Variants in USP3 observed in about 807,000 individuals in gnomAD.
USP3 encodes ubiquitin carboxyl-terminal hydrolase 3.
A neutral mutation model predicts 72.3 loss-of-function variants in USP3; 20 were observed. The observed-to-expected ratio is 0.28, with a 90% CI of 0.19 to 0.40. The LOEUF (loss-of-function observed/expected upper bound fraction) is 0.40, where lower values mean the gene tolerates loss of function less well. Among genes scored for constraint, USP3 ranks in the 10% least tolerant of loss-of-function variants. The pLI is 1.00. For missense variants in USP3, 479 were observed against 633.9 expected (o/e 0.76, Z 2.62); for synonymous variants, 222 against 225.3 (o/e 0.99, Z 0.13).
At chr15:63,516,052 T>C (rs1374644257) in intron 1 of USP3, among the ~76,000 whole-genome samples, 2 of 152,250 alleles carry the variant, frequency 1.3e-5, no homozygotes. Context: ...TTTCCCAATA[T>C]AATTAGATTA....
intron 8 of USP3, among the ~76,000 whole-genome samples, chr15:63,569,214 C>T (rs550698021): frequency 1.1e-4 from 16 of 152,218 alleles, no homozygotes; most frequent in Non-Finnish European, 1.5e-5. Context: ...TTTAAGGTAC[C>T]TCCTTAGATA....
intron 1 of USP3, among the ~76,000 whole-genome samples, chr15:63,521,143 C>CTTTTTTTTTTTTTTT (rs57191228): frequency 7.3e-6 from 1 of 137,458 alleles, no homozygotes. Flanking sequence ...TTCTTTTGGA[C>CTTTTTTTTTTTTTTT]TTTTTTTTTT....
At chr15:63,537,682 A>G (rs905491017) in intron 3 of USP3, among the ~76,000 whole-genome samples, 4 of 152,046 alleles carry the variant, frequency 2.6e-5, no homozygotes, top group Non-Finnish European at 5.9e-5. Context: ...GTAGCTTTCC[A>G]GGCTATTTTT....
Position 63,592,560 on chromosome 15 carries a change from C to T in USP3, c.*1734C>T, listed in dbSNP as rs1459411330. The T allele has an allele frequency of 6.6e-6, 1 of 151,550 alleles. No homozygotes were observed. The highest frequency in any genetic ancestry group is 2.4e-5 in the African/African-American group (1 of 41,194). 9.4% of individuals were successfully genotyped at this position (151,550 alleles called of 1,614,324 possible). A position where few individuals can be genotyped will look rare whatever the true frequency, so the allele number is the denominator to read the frequency against. On this transcript the variant is annotated 3_prime_UTR_variant, in exon 15 of 15. Coordinates refer to ENST00000380324, the MANE Select transcript of USP3 (RefSeq NM_006537.4). ...ACCTCCCAGGCTCAAGCGATCCTCC[C>T]ACTTCAGCCTCGAAGTAGCTGGCAC...
chr15:63,553,634 C>A lies in USP3; in HGVS notation c.285-81C>A. On this transcript the variant is annotated intron_variant, in intron 3 of 14. Transcript: ENST00000380324. The surrounding 1 kb of genome is among the most constrained non-coding windows in gnomAD (Gnocchi z 4.2). The stretch of plus-strand genomic sequence containing the variant: ...CTGCAGAGCCATGTGATCATCTTGG[C>A]AACAGCCAGACCTTTTAGTGATTTC... 7.5e-7 allele frequency: 1 copy of A among 1,328,792 alleles called. No homozygotes were observed. Among genetic ancestry groups the A allele is most frequent in the South Asian group, 1.5e-5 (1 of 66,898 alleles). 82.3% of individuals were successfully genotyped at this position (1,328,792 alleles called of 1,614,324 possible). A position where few individuals can be genotyped will look rare whatever the true frequency, so the allele number is the denominator to read the frequency against.
Position 63,592,920 on chromosome 15 carries a change from G to A in USP3, c.*2094G>A, listed in dbSNP as rs1200947385. The stretch of plus-strand genomic sequence containing the variant: ...ACACATCTGCTAAACACTTTAACAT[G>A]ACAAGGAGCAAATTACAATTATGTG... On this transcript the variant is annotated 3_prime_UTR_variant, in exon 15 of 15. Coordinates refer to ENST00000380324, the MANE Select transcript of USP3 (RefSeq NM_006537.4). 5.3e-5 allele frequency: 8 copies of A among 152,128 alleles called. No homozygotes were observed. The highest frequency in any genetic ancestry group is 1.9e-4 in the African/African-American group (8 of 41,404). 9.4% of individuals were successfully genotyped at this position (152,128 alleles called of 1,614,324 possible). A position where few individuals can be genotyped will look rare whatever the true frequency, so the allele number is the denominator to read the frequency against.
chr15:63,582,014 A>C (rs1342674778), intron 11 of USP3, among the ~76,000 whole-genome samples: 1 of 152,234 alleles, frequency 6.6e-6, no homozygotes, highest in Non-Finnish European at 1.5e-5. Context: ...TTCTTTATAC[A>C]TATGTTTATT....
intron 1 of USP3, among the ~76,000 whole-genome samples, chr15:63,522,616 T>C (rs1461339343): frequency 1.3e-5 from 2 of 152,230 alleles, no homozygotes; most frequent in Non-Finnish European, 2.9e-5. Flanking sequence ...AAAGATAAGC[T>C]GATAACCATA....
At chr15:63,583,424 C>T (rs545314348) in intron 11 of USP3, among the ~76,000 whole-genome samples, 76 of 152,244 alleles carry the variant, frequency 5.0e-4, no homozygotes, top group African/African-American at 1.3e-3. Flanking sequence ...TTTTATACTC[C>T]AGCCTGCATG....
intron 1 of USP3, 97 bp downstream of exon 1, chr15:63,504,927 G>A (rs1413501332): frequency 2.0e-5 from 20 of 997,430 alleles, no homozygotes; most frequent in Non-Finnish European, 2.3e-5. Flanking sequence ...GCGCGGACTC[G>A]GGGAGGGGCG....
intron 1 of USP3, among the ~76,000 whole-genome samples, chr15:63,510,558 T>C (rs888555506): frequency 6.6e-6 from 1 of 152,190 alleles, no homozygotes; most frequent in African/African-American, 2.4e-5. Flanking sequence ...TTTGATATTT[T>C]ATGTTTATTC....
intron 1 of USP3, among the ~76,000 whole-genome samples, chr15:63,514,484 A>G (rs750053728): frequency 2.6e-5 from 4 of 152,046 alleles, no homozygotes; most frequent in Non-Finnish European, 4.4e-5. Context: ...TCTTTTTTCT[A>G]TTTCTTCAAA....
rs1476057548 is a variant in USP3, at chr15:63,511,143, TC to T, written c.91+6315del. 6.6e-5 allele frequency among the ~76,000 whole-genome samples: 10 copies of T among 151,824 alleles called. No homozygotes were observed. The East Asian group carries it at 1.7e-3, about 26-fold the overall frequency. On this transcript the variant is annotated intron_variant, in intron 1 of 14. Transcript: ENST00000380324. The stretch of plus-strand genomic sequence containing the variant: ...ATTAATTATTCATCCTTGTAGTTTT[TC>T]CTATTTTATTGATTATGAAACTGAG...
Position 63,574,598 on chromosome 15 carries a change from G to A in USP3, c.1096+195G>A, listed in dbSNP as rs1043416442. ...AAGAATGTGTGCCATAAGATATTGT[G>A]TGAAGCATAAAATATTTCTCACCTT... On this transcript the variant is annotated intron_variant, in intron 11 of 14. Coordinates refer to ENST00000380324, the MANE Select transcript of USP3 (RefSeq NM_006537.4). This position sits in a 1 kb window ranked among gnomAD's most constrained non-coding sequence, Gnocchi z 4.6. Among the ~76,000 whole-genome samples, 1 of 151,964 alleles carries A rather than the reference G, an allele frequency of 6.6e-6. No individual in the cohort carries two copies. The highest frequency in any genetic ancestry group is 2.4e-5 in the African/African-American group (1 of 41,244).
chr15:63,565,629 C>T (rs888701438), intron 8 of USP3, among the ~76,000 whole-genome samples: 1 of 152,128 alleles, frequency 6.6e-6, no homozygotes, highest in Non-Finnish European at 1.5e-5. Context: ...CATATACAGA[C>T]AAGTGTGTGT....
At position 63,591,787 on chromosome 15, in the gene USP3, G is replaced by T. The variant is rs1240171180; in HGVS notation, c.*961G>T. On this transcript the variant is annotated 3_prime_UTR_variant, in exon 15 of 15. Transcript: ENST00000380324. ...CCGCACTTCAGTTTATCACTGGGGG[G>T]TGTGCTTCCACAGGAGGAAATTTAG... is the stretch of plus-strand genomic sequence containing the variant. 1 of 152,222 alleles carries T rather than the reference G, an allele frequency of 6.6e-6. No homozygotes were observed. The highest frequency in any genetic ancestry group is 1.9e-4 in the East Asian group (1 of 5,200). 9.4% of individuals were successfully genotyped at this position (152,222 alleles called of 1,614,324 possible).
At chr15:63,586,184 A>T (rs2067057756) in intron 11 of USP3, among the ~76,000 whole-genome samples, 2 of 152,100 alleles carry the variant, frequency 1.3e-5, no homozygotes, top group Admixed American at 1.3e-4. Flanking sequence ...TTCTTGCCTG[A>T]TTGCTTTAGC....
In USP3 at chr15:63,592,777, T is replaced by TTATGA. The variant is rs1306987821; in HGVS notation, c.*1955_*1959dup. The TTATGA allele has an allele frequency of 8.5e-5, 13 of 152,090 alleles. No homozygotes were observed. The East Asian group carries it at 2.3e-3, about 27-fold the overall frequency. 9.4% of individuals were successfully genotyped at this position (152,090 alleles called of 1,614,324 possible). A position where few individuals can be genotyped will look rare whatever the true frequency, so the allele number is the denominator to read the frequency against. On this transcript the variant is annotated 3_prime_UTR_variant, in exon 15 of 15. Coordinates refer to ENST00000380324, the MANE Select transcript of USP3 (RefSeq NM_006537.4). ...TCTTGACCTTTTTTTTTTTTTAAGT[T>TTATGA]TATGATATAAAAACAGTCTGGTGGC...
intron 1 of USP3, among the ~76,000 whole-genome samples, chr15:63,531,574 C>T (rs903501488): frequency 1.3e-5 from 2 of 152,050 alleles, no homozygotes; most frequent in African/African-American, 4.8e-5. Flanking sequence ...ACCTTATTTC[C>T]AGTTTCGGTT....
Sources: gnomAD v4.1 joint callset for allele counts (sites outside exome capture counted in the v4.1 genomes callset) on GRCh38, gnomAD v4.1.1 for gene constraint, Gnocchi (gnomAD v3.1) non-coding constraint, MANE v1.5 for transcripts, NCBI Gene and HGNC (gene_info 2026-07-23, HGNC 2026-07-21) for gene names.